Variants in ANKS6 observed in about 807,000 individuals in gnomAD.
ANKS6 encodes ankyrin repeat and sterile alpha motif domain containing 6.
In ANKS6, 47 loss-of-function variants were observed where a neutral mutation model predicts 77.9. The ratio of observed to expected loss-of-function variants is 0.60; its 90% CI spans 0.48 to 0.77. ANKS6 has a LOEUF of 0.77. Ranked by LOEUF, ANKS6 falls within the 30% of genes least tolerant of loss-of-function variation. The pLI, the probability that ANKS6 is intolerant of heterozygous loss-of-function variation, is 0.00. For synonymous variants in ANKS6, 488 were observed against 501.7 expected, an observed-to-expected ratio of 0.97 and a Z score of 0.37; for missense variants, 1,150 against 1,159.1, an observed-to-expected ratio of 0.99 and a Z score of 0.11.
At chr9:98,785,532 C>A (rs757894666) in intron 2 of ANKS6, among the ~76,000 whole-genome samples, 15 of 152,256 alleles carry the variant, frequency 9.9e-5, no homozygotes, top group South Asian at 2.1e-4. Context: ...CACAGCTGAG[C>A]CTTGCTGCAG....
chr9:98,739,586 C>A (rs1831701894), intron 14 of ANKS6, among the ~76,000 whole-genome samples: 1 of 152,010 alleles, frequency 6.6e-6, no homozygotes, highest in Non-Finnish European at 1.5e-5. Flanking sequence ...ATTAGAAGGC[C>A]TCAGACACAA....
chr9:98,768,398 G>A, intron 10 of ANKS6, 148 bp from the exon 11 acceptor site: 2 of 926,832 alleles, frequency 2.2e-6, no homozygotes, highest in South Asian at 1.6e-5. Context: ...GACCACAGGA[G>A]AATTCTGCAG....
At position 98,736,552 on chromosome 9, in the gene ANKS6, G is replaced by A. The variant is rs758713992; in HGVS notation, c.2583C>T (p.Asn861=). 2 of 1,613,232 alleles carry A rather than the reference G, an allele frequency of 1.2e-6. No homozygotes were observed. Among genetic ancestry groups the A allele is most frequent in the Non-Finnish European group, 1.7e-6 (2 of 1,179,532 alleles). The part of the protein sequence containing the change: ...FHSSFESSAS[N]TRAPGNSPCA ...AGGGGCTGTTGCCAGGGGCCCTGGT[G>A]TTGCTGGCACTGCTCTCAAAGGAAG... Residue 861 remains asparagine, a synonymous_variant, in exon 15 of 15, where the codon AAC becomes AAT. Coordinates refer to ENST00000353234, the MANE Select transcript of ANKS6 (RefSeq NM_173551.5).
chr9:98,771,577 C>A (rs1221736998), intron 9 of ANKS6, among the ~76,000 whole-genome samples: 1 of 152,232 alleles, frequency 6.6e-6, no homozygotes, highest in East Asian at 1.9e-4. Flanking sequence ...CCTGACCTCA[C>A]TCCACCCTCT....
intron 14 of ANKS6, among the ~76,000 whole-genome samples, chr9:98,740,928 A>G (rs1023950844): frequency 3.3e-5 from 5 of 152,358 alleles, no homozygotes; most frequent in African/African-American, 7.2e-5. Context: ...AATACTGGCA[A>G]AGCTGCAGTG....
At chr9:98,745,015 C>T (rs1050029088) in intron 14 of ANKS6, among the ~76,000 whole-genome samples, 9 of 151,862 alleles carry the variant, frequency 5.9e-5, no homozygotes, top group Non-Finnish European at 1.2e-4. Flanking sequence ...GTGTGTGTGC[C>T]TTTGGGTGGG....
chr9:98,784,555 G>A, intron 3 of ANKS6: 1 of 450,216 alleles, frequency 2.2e-6, no homozygotes, highest in Non-Finnish European at 3.9e-6. Flanking sequence ...AAAGAGACTG[G>A]AGTGGGTATG....
rs747659168 is a variant in ANKS6, at chr9:98,770,941, C to T, written c.1927G>A (p.Gly643Arg). Reference sequence around the variant, plus strand: ...CCACCGTGCCGGCTCACACCTACCCCACTGGAGCCGCCCGATGAATGAGGC... The same window carrying T: ...CCACCGTGCCGGCTCACACCTACCCTACTGGAGCCGCCCGATGAATGAGGC... ...HSPHSSGGSS[G>R]VGVSRHGGEL... The change falls in exon 10 of 15, where the codon GGG becomes AGG. Residue 643 changes from glycine to arginine, a missense_variant. Transcript: ENST00000353234. 1.3e-6 allele frequency: 2 copies of T among 1,592,710 alleles called. No homozygotes were observed. Among genetic ancestry groups the T allele is most frequent in the African/African-American group, 1.3e-5 (1 of 74,348 alleles).
intron 5 of ANKS6, among the ~76,000 whole-genome samples, chr9:98,780,555 G>A (rs1426588220): frequency 6.6e-6 from 1 of 152,330 alleles, no homozygotes. Flanking sequence ...AAAACCGGAA[G>A]TCCTCTCTCA....
intron 1 of ANKS6, among the ~76,000 whole-genome samples, chr9:98,793,209 C>G (rs1834997013): frequency 2.0e-5 from 3 of 152,190 alleles, no homozygotes; most frequent in Admixed American, 6.5e-5. Context: ...GGAGAGAAGT[C>G]TCTGGCAAAT....
Position 98,733,733 on chromosome 9 carries a change from G to T in ANKS6, c.*2786C>A, listed in dbSNP as rs1831330208. ...GACCCATGCTGGCATGCTGAAGGTT[G>T]TGAGAGGCCTGTAGCAAAGATGATC... On this transcript the variant is annotated 3_prime_UTR_variant, in exon 15 of 15. Coordinates refer to ENST00000353234, the MANE Select transcript of ANKS6 (RefSeq NM_173551.5). The T allele has an allele frequency of 3.0e-6, 3 of 985,402 alleles. No individual in the cohort carries two copies. The highest frequency in any genetic ancestry group is 3.6e-6 in the Non-Finnish European group (3 of 829,994). The allele number at this position is 985,402 out of a possible 1,614,324, so 61.0% of individuals were successfully genotyped here. A position where few individuals can be genotyped will look rare whatever the true frequency, so the allele number is the denominator to read the frequency against.
chr9:98,774,889 G>T (rs993111743), intron 8 of ANKS6, among the ~76,000 whole-genome samples: 2 of 152,212 alleles, frequency 1.3e-5, no homozygotes, highest in Non-Finnish European at 2.9e-5. Flanking sequence ...AACTCGCCTC[G>T]GGAGCCGAGC....
chr9:98,753,620 CAA>C (rs34295529), intron 12 of ANKS6, among the ~76,000 whole-genome samples: 2 of 144,608 alleles, frequency 1.4e-5, no homozygotes, highest in Admixed American at 6.9e-5. Flanking sequence ...GACCCTATCT[CAA>C]AAAAAAAAAA....
rs774786989 is a variant in ANKS6 at position 98,736,438 on chromosome 9, C to T, written c.*81G>A. 461 of 1,482,190 alleles carry T rather than the reference C, an allele frequency of 3.1e-4. No individual in the cohort carries two copies. The highest frequency in any genetic ancestry group is 5.6e-4 in the South Asian group (40 of 71,410). 91.8% of individuals were successfully genotyped at this position (1,482,190 alleles called of 1,614,324 possible). A position where few individuals can be genotyped will look rare whatever the true frequency, so the allele number is the denominator to read the frequency against. ...ACATGACTAAGGCACAGCAGTGTGA[C>T]GGGGGCAGGGCTGGGGCTGTGGCCA... On this transcript the variant is annotated 3_prime_UTR_variant, in exon 15 of 15. Coordinates refer to ENST00000353234, the MANE Select transcript of ANKS6 (RefSeq NM_173551.5).
chr9:98,788,620 C>T (rs1223691714), intron 2 of ANKS6, among the ~76,000 whole-genome samples: 2 of 152,338 alleles, frequency 1.3e-5, no homozygotes, highest in Admixed American at 6.5e-5. Context: ...GTATCTCACA[C>T]GCCAGAGGAT....
At chr9:98,743,841 T>C (rs1023276630) in intron 14 of ANKS6, among the ~76,000 whole-genome samples, 6 of 152,302 alleles carry the variant, frequency 3.9e-5, no homozygotes, top group African/African-American at 1.4e-4. Flanking sequence ...ACATAAAGGC[T>C]CTTCTTCATG....
At chr9:98,784,793 T>A in intron 3 of ANKS6, 39 bp downstream of exon 3, 12 of 1,565,956 alleles carry the variant, frequency 7.7e-6, no homozygotes, top group Non-Finnish European at 1.1e-5. Context: ...TGTAGCCCTA[T>A]ATTCTTAAAT....
chr9:98,747,224 A>G (rs1484076435), intron 13 of ANKS6, among the ~76,000 whole-genome samples: 1 of 152,242 alleles, frequency 6.6e-6, no homozygotes, highest in Non-Finnish European at 1.5e-5. Context: ...CTTTCACTTT[A>G]TAAGAAGGCT....
At chr9:98,766,975 T>C (rs1465748108) in intron 11 of ANKS6, among the ~76,000 whole-genome samples, 1 of 152,140 alleles carries the variant, frequency 6.6e-6, no homozygotes, top group Non-Finnish European at 1.5e-5. Flanking sequence ...GCTGCACTAC[T>C]GGGGAGTCAC....
Sources: gnomAD v4.1 joint callset for allele counts (sites outside exome capture counted in the v4.1 genomes callset) on GRCh38, gnomAD v4.1.1 for gene constraint, MANE v1.5 for transcripts, NCBI Gene and HGNC (gene_info 2026-07-23, HGNC 2026-07-21) for gene names.